RAB11FIP4: variants seen among roughly 807,000 people sequenced by gnomAD.
The protein encoded by RAB11FIP4 is RAB11 family interacting protein 4.
A neutral mutation model predicts 74.3 loss-of-function variants in RAB11FIP4; 23 were observed. The observed-to-expected ratio is 0.31, with a 90% CI of 0.22 to 0.44. The LOEUF is 0.44. Ranked by LOEUF, RAB11FIP4 falls within the 20% of genes least tolerant of loss-of-function variation. The probability of loss-of-function intolerance (pLI) is 1.00; values close to 1 mark genes in which losing one functional copy is unlikely to be tolerated. For missense variants in RAB11FIP4, 630 were observed against 863.9 expected (o/e 0.73, Z 3.39); for synonymous variants, 360 against 359.9 (o/e 1.00, Z 0.00).
At chr17:31,406,867 T>C (rs1014824345) in intron 1 of RAB11FIP4, among the ~76,000 whole-genome samples, 1 of 152,168 alleles carries the variant, frequency 6.6e-6, no homozygotes, top group Non-Finnish European at 1.5e-5. Context: ...TGAATATGTT[T>C]TCTTTCAATT....
chr17:31,391,722 C>A lies in RAB11FIP4; in HGVS notation c.-131C>A. ...CGCTGCTGACACGGATCGGCCGCGGCCGCCACCGGGCGGAGGCTGCGCGGC... is the reference window on the plus strand; with the variant it reads ...CGCTGCTGACACGGATCGGCCGCGGACGCCACCGGGCGGAGGCTGCGCGGC... On this transcript the variant is annotated 5_prime_UTR_variant, in exon 1 of 15. Coordinates refer to ENST00000621161, the MANE Select transcript of RAB11FIP4 (RefSeq NM_032932.6). 1.5e-6 allele frequency: 1 copy of A among 659,728 alleles called. No homozygotes were observed. Among genetic ancestry groups the A allele is most frequent in the Non-Finnish European group, 1.9e-6 (1 of 533,666 alleles). The allele number at this position is 659,728 out of a possible 1,614,324, so 40.9% of individuals were successfully genotyped here. A position where few individuals can be genotyped will look rare whatever the true frequency, so the allele number is the denominator to read the frequency against.
At position 31,456,450 on chromosome 17, in the gene RAB11FIP4, G is replaced by T. The variant is rs531238599; in HGVS notation, c.336+22328G>T. ...TCGAACTCCTGAGCTCAAGCGATCC[G>T]CCCCCCTCAGCCTCCCAAAGTGCTG... On this transcript the variant is annotated intron_variant, in intron 3 of 14. Coordinates refer to ENST00000621161, the MANE Select transcript of RAB11FIP4 (RefSeq NM_032932.6). 1.8e-4 allele frequency among the ~76,000 whole-genome samples: 28 copies of T among 152,058 alleles called. 1 individual carries two copies. Among genetic ancestry groups the T allele is most frequent in the Non-Finnish European group, 4.1e-4 (28 of 68,000 alleles).
chr17:31,432,397 C>T (rs1276131188), intron 2 of RAB11FIP4, among the ~76,000 whole-genome samples: 2 of 151,390 alleles, frequency 1.3e-5, no homozygotes, highest in Non-Finnish European at 2.9e-5. Flanking sequence ...GCTTTGTCGC[C>T]CAGGCTACTG....
chr17:31,460,753 C>T (rs117740303), intron 3 of RAB11FIP4, among the ~76,000 whole-genome samples: 2,534 of 152,068 alleles, frequency 0.017, 88 homozygotes, highest in East Asian at 0.15. Flanking sequence ...TTCTTCAAGA[C>T]AGGGTCTCAC....
At chr17:31,392,134 C>T (rs1302345422) in intron 1 of RAB11FIP4, 123 bp downstream of exon 1, 10 of 758,928 alleles carry the variant, frequency 1.3e-5, no homozygotes, top group African/African-American at 3.7e-5. Flanking sequence ...CAATCCCCTC[C>T]CTCCGCCGGA....
At chr17:31,454,222 A>G (rs1321925922) in intron 3 of RAB11FIP4, among the ~76,000 whole-genome samples, 2 of 152,182 alleles carry the variant, frequency 1.3e-5, no homozygotes, top group South Asian at 2.1e-4. Flanking sequence ...GCTACATTCC[A>G]TTTCCTGACC....
In RAB11FIP4 at chr17:31,490,876, G is replaced by A. The variant is rs72815691; in HGVS notation, c.337-26775G>A. 2.9e-3 allele frequency among the ~76,000 whole-genome samples: 442 copies of A among 152,320 alleles called. 2 individuals carry two copies. The highest frequency in any genetic ancestry group is 0.01 in the Middle Eastern group (3 of 294). On this transcript the variant is annotated intron_variant, in intron 3 of 14. Transcript: ENST00000621161. ...CCAGCTGAAGCATCTTTATCTGTTC[G>A]TGCCTGCTGTCTGGTGTTAGCAGTG...
intron 10 of RAB11FIP4, 27 bp from the exon 11 acceptor site, chr17:31,527,815 T>G: frequency 6.4e-7 from 1 of 1,571,588 alleles, no homozygotes; most frequent in Non-Finnish European, 8.7e-7. Context: ...TCCAGGTTTC[T>G]GAGATTTGTC....
rs540396738 is a variant in RAB11FIP4, at chr17:31,504,464, C to T, written c.337-13187C>T. Among the ~76,000 whole-genome samples the T allele has an allele frequency of 2.0e-5, 3 of 152,112 alleles. No individual in the cohort carries two copies. In the East Asian group the frequency reaches 5.8e-4, roughly 29 times the overall value. ...TGTATTTTTGGTAGAGACAGGGTTT[C>T]GCCATGTTGGCCAGGATGGTCTTGA... On this transcript the variant is annotated intron_variant, in intron 3 of 14. Transcript: ENST00000621161.
intron 3 of RAB11FIP4, among the ~76,000 whole-genome samples, chr17:31,502,568 G>C (rs2072242546): frequency 6.6e-6 from 1 of 152,196 alleles, no homozygotes; most frequent in Non-Finnish European, 1.5e-5. Context: ...GACAGAGCAA[G>C]ACTGTATCTC....
intron 3 of RAB11FIP4, among the ~76,000 whole-genome samples, chr17:31,472,515 G>T (rs982218037): frequency 1.3e-5 from 2 of 152,216 alleles, no homozygotes; most frequent in Admixed American, 6.5e-5. Context: ...GCACACCAGG[G>T]ATACACCTGC....
intron 1 of RAB11FIP4, among the ~76,000 whole-genome samples, chr17:31,414,881 T>A (rs1298558512): frequency 6.6e-6 from 1 of 152,232 alleles, no homozygotes; most frequent in East Asian, 1.9e-4. Context: ...GCAAGTGTAT[T>A]CTTCCTTATA....
chr17:31,503,292 C>G lies in RAB11FIP4; in HGVS notation c.337-14359C>G, dbSNP rs2072256182. ...AAGTGATCCACCCACCTCGACCTCCCAAAGTGCTGGGATTGTAGGTGTGAG... is the reference window on the plus strand; with the variant it reads ...AAGTGATCCACCCACCTCGACCTCCGAAAGTGCTGGGATTGTAGGTGTGAG... On this transcript the variant is annotated intron_variant, in intron 3 of 14. Transcript: ENST00000621161. 1.3e-5 allele frequency among the ~76,000 whole-genome samples: 2 copies of G among 149,784 alleles called. 1 individual carries two copies. Among genetic ancestry groups the G allele is most frequent in the African/African-American group, 5.1e-5 (2 of 39,124 alleles).
chr17:31,506,616 A>G (rs2072354705), intron 3 of RAB11FIP4, among the ~76,000 whole-genome samples: 2 of 152,210 alleles, frequency 1.3e-5, no homozygotes, highest in Non-Finnish European at 2.9e-5. Flanking sequence ...TTTAGATTCT[A>G]CATAGGAGTG....
intron 3 of RAB11FIP4, among the ~76,000 whole-genome samples, chr17:31,492,333 A>G (rs4439812): frequency 0.85 from 129,259 of 152,046 alleles, 55,395 homozygotes; most frequent in African/African-American, 0.96. Flanking sequence ...GATCATATAT[A>G]TGTGTGTACA....
At chr17:31,431,781 G>T in intron 1 of RAB11FIP4, 32 bp from the exon 2 acceptor site, 5 of 1,484,098 alleles carry the variant, frequency 3.4e-6, no homozygotes, top group Non-Finnish European at 4.7e-6. Context: ...ATCCTTGGGT[G>T]TCTCACACCT....
intron 3 of RAB11FIP4, among the ~76,000 whole-genome samples, chr17:31,479,979 G>A (rs1030524213): frequency 6.6e-6 from 1 of 152,096 alleles, no homozygotes; most frequent in Non-Finnish European, 1.5e-5. Context: ...AAAACACGGG[G>A]CAAAAGTCTT....
chr17:31,463,461 G>A (rs1043131822), intron 3 of RAB11FIP4, among the ~76,000 whole-genome samples: 7 of 152,118 alleles, frequency 4.6e-5, no homozygotes, highest in African/African-American at 1.7e-4. Context: ...CAACACAGGA[G>A]GCCTGGGGTT....
chr17:31,448,717 G>C (rs941264082), intron 3 of RAB11FIP4, among the ~76,000 whole-genome samples: 9 of 152,022 alleles, frequency 5.9e-5, no homozygotes, highest in African/African-American at 2.2e-4. Flanking sequence ...CCTGATTCCA[G>C]CCCTCTTTGT....
Sources: allele counts gnomAD v4.1 joint callset (sites outside exome capture counted in the v4.1 genomes callset), GRCh38; gene constraint gnomAD v4.1.1; transcripts MANE v1.5; gene names NCBI Gene and HGNC (gene_info 2026-07-23, HGNC 2026-07-21).